FNDC3B: variants seen among roughly 807,000 people sequenced by gnomAD.
FNDC3B encodes the protein fibronectin type III domain-containing protein 3B.
Under a neutral mutation model 151.5 loss-of-function variants are expected in FNDC3B, and 12 were observed. The observed-to-expected ratio is 0.08, with a 90% CI of 0.05 to 0.13. The LOEUF is 0.13. Ranked by LOEUF, FNDC3B falls within the 10% of genes least tolerant of loss-of-function variation. FNDC3B has a pLI of 1.00. For missense variants in FNDC3B, 1,214 were observed against 1,505.3 expected (o/e 0.81, Z 3.20); for synonymous variants, 528 against 549.0 (o/e 0.96, Z 0.54).
intron 2 of FNDC3B, among the ~76,000 whole-genome samples, chr3:172,115,969 C>G (rs1010088396): frequency 6.6e-6 from 1 of 152,186 alleles, no homozygotes; most frequent in Admixed American, 6.5e-5. Flanking sequence ...TCTGCTGGTT[C>G]TGGATGTAAT....
At chr3:172,073,133 G>A (rs1197365414) in intron 1 of FNDC3B, among the ~76,000 whole-genome samples, 4 of 152,154 alleles carry the variant, frequency 2.6e-5, no homozygotes, top group Non-Finnish European at 5.9e-5. Context: ...CTTTGTTGAT[G>A]GGATTGAACT....
chr3:172,247,139 C>G (rs373102658), intron 4 of FNDC3B, among the ~76,000 whole-genome samples: 66 of 152,314 alleles, frequency 4.3e-4, no homozygotes, highest in African/African-American at 1.5e-3. Flanking sequence ...CACAGAAAGC[C>G]TCTTTCTGGA....
intron 1 of FNDC3B, among the ~76,000 whole-genome samples, chr3:172,044,463 T>C (rs1442203058): frequency 6.6e-6 from 1 of 152,214 alleles, no homozygotes; most frequent in African/African-American, 2.4e-5. Context: ...GTCTTAACTC[T>C]AGACATATCC....
At chr3:172,372,646 G>C (rs1220664772) in intron 23 of FNDC3B, among the ~76,000 whole-genome samples, 2 of 152,154 alleles carry the variant, frequency 1.3e-5, no homozygotes, top group Non-Finnish European at 2.9e-5. Context: ...ACATGTTCCT[G>C]CTGGGTCAAA....
chr3:172,176,891 A>G (rs1723623716), intron 3 of FNDC3B, among the ~76,000 whole-genome samples: 1 of 152,206 alleles, frequency 6.6e-6, no homozygotes, highest in Non-Finnish European at 1.5e-5. Context: ...TGAATACATC[A>G]TCATGGGCAA....
chr3:172,161,475 C>T (rs929079987), intron 3 of FNDC3B, among the ~76,000 whole-genome samples: 5 of 152,162 alleles, frequency 3.3e-5, no homozygotes, highest in African/African-American at 1.2e-4. Flanking sequence ...GGCCCAGCCT[C>T]TGATGAATAG....
chr3:172,386,274 G>A (rs1307434708), intron 25 of FNDC3B, among the ~76,000 whole-genome samples: 1 of 125,816 alleles, frequency 7.9e-6, no homozygotes, highest in East Asian at 2.1e-4. Flanking sequence ...ATAGTAAGAA[G>A]TAAAGCAAAA....
intron 7 of FNDC3B, among the ~76,000 whole-genome samples, chr3:172,286,581 ATTCTGCATGTGT>A (rs1165007834): frequency 6.6e-6 from 1 of 152,220 alleles, no homozygotes; most frequent in Non-Finnish European, 1.5e-5. Context: ...GAAAACCTTG[ATTCTGCATGTGT>A]TTCAAATACT....
At chr3:172,042,094 T>G (rs1472301505) in intron 1 of FNDC3B, among the ~76,000 whole-genome samples, 1 of 152,214 alleles carries the variant, frequency 6.6e-6, no homozygotes, top group Non-Finnish European at 1.5e-5. Context: ...AAAATTCATC[T>G]GTAAGGATAG....
chr3:172,058,442 T>A (rs2108468152), intron 1 of FNDC3B, among the ~76,000 whole-genome samples: 1 of 150,696 alleles, frequency 6.6e-6, no homozygotes, highest in East Asian at 1.9e-4. Flanking sequence ...AAGAATGAGA[T>A]CCTTAATTTT....
At chr3:172,336,357 A>G (rs1732966194) in intron 15 of FNDC3B, among the ~76,000 whole-genome samples, 1 of 152,186 alleles carries the variant, frequency 6.6e-6, no homozygotes, top group Non-Finnish European at 1.5e-5. Flanking sequence ...GCACAGAGTT[A>G]TGGGTAGACT....
intron 1 of FNDC3B, among the ~76,000 whole-genome samples, chr3:172,060,786 C>T (rs1041773638): frequency 6.6e-6 from 1 of 152,168 alleles, no homozygotes; most frequent in South Asian, 2.1e-4. Context: ...GTTGTTTTGA[C>T]ACTGAGATGC....
intron 25 of FNDC3B, among the ~76,000 whole-genome samples, chr3:172,385,562 T>G (rs945623950): frequency 4.7e-5 from 7 of 148,882 alleles, no homozygotes; most frequent in African/African-American, 1.8e-4. Flanking sequence ...AGACCTTTTT[T>G]CTTTTTTTTT....
At chr3:172,125,349 T>C (rs932725400) in intron 2 of FNDC3B, among the ~76,000 whole-genome samples, 33 of 151,550 alleles carry the variant, frequency 2.2e-4, no homozygotes, top group Middle Eastern at 3.4e-3. Context: ...CAGCAGCGGC[T>C]CCCTTTTTTC....
chr3:172,130,317 A>G (rs1721007426), intron 2 of FNDC3B, among the ~76,000 whole-genome samples: 1 of 152,220 alleles, frequency 6.6e-6, no homozygotes. Flanking sequence ...ACTGAGAAAA[A>G]TTGATATTGG....
At chr3:172,099,717 T>A (rs542048929) in intron 1 of FNDC3B, among the ~76,000 whole-genome samples, 1 of 152,318 alleles carries the variant, frequency 6.6e-6, no homozygotes, top group South Asian at 2.1e-4. Context: ...CTCTAATGAG[T>A]GTGGCATAAA....
chr3:172,191,932 A>G (rs1724529691), intron 3 of FNDC3B, among the ~76,000 whole-genome samples: 1 of 152,084 alleles, frequency 6.6e-6, no homozygotes, highest in African/African-American at 2.4e-5. Flanking sequence ...GGACAAATGC[A>G]GTGTCTGGTG....
intron 5 of FNDC3B, among the ~76,000 whole-genome samples, chr3:172,248,846 A>G (rs577704999): frequency 2.7e-4 from 41 of 150,578 alleles, no homozygotes; most frequent in Non-Finnish European, 5.2e-4. Flanking sequence ...TAGGGATAGA[A>G]TTTGACTGTA....
At chr3:172,089,939 T>C (rs1718729113) in intron 1 of FNDC3B, among the ~76,000 whole-genome samples, 1 of 152,224 alleles carries the variant, frequency 6.6e-6, no homozygotes, top group African/African-American at 2.4e-5. Flanking sequence ...TCGACATATA[T>C]AATTCATTTG....
Sources: gnomAD v4.1 joint callset for allele counts (sites outside exome capture counted in the v4.1 genomes callset) on GRCh38, gnomAD v4.1.1 for gene constraint, MANE v1.5 for transcripts, NCBI Gene and HGNC (gene_info 2026-07-23, HGNC 2026-07-21) for gene names.